Variants in PDZRN4 observed in about 807,000 individuals in gnomAD.
The protein encoded by PDZRN4 is PDZ domain-containing RING finger protein 4.
In PDZRN4, 70 loss-of-function variants were observed where a neutral mutation model predicts 99.0. The observed-to-expected ratio is 0.71, with a 90% CI of 0.58 to 0.86. PDZRN4 has a LOEUF of 0.86. Among genes scored for constraint, PDZRN4 ranks in the 40% least tolerant of loss-of-function variants. The pLI is 0.00. For synonymous variants in PDZRN4, 551 were observed against 501.6 expected, an observed-to-expected ratio of 1.10 and a Z score of -1.32; for missense variants, 1,474 against 1,331.2, an observed-to-expected ratio of 1.11 and a Z score of -1.67.
rs201008313 is a variant in PDZRN4 at position 41,196,746 on chromosome 12, AG to A, written c.843+2559del. 2.4e-4 allele frequency among the ~76,000 whole-genome samples: 36 copies of A among 152,184 alleles called. 1 individual carries two copies. In the East Asian group the frequency reaches 5.6e-3, roughly 24 times the overall value. On this transcript the variant is annotated intron_variant, in intron 3 of 9. Transcript: ENST00000402685. ...TATCAATCAACTTTAAGCAGTTTTT[AG>A]CTAATTGGAAATTGAGAAGAAATCT...
chr12:41,396,189 G>A (rs962272460), intron 3 of PDZRN4, among the ~76,000 whole-genome samples: 1 of 151,992 alleles, frequency 6.6e-6, no homozygotes, highest in Non-Finnish European at 1.5e-5. Flanking sequence ...CAGGTAAAGG[G>A]GCTGTGAACG....
intron 3 of PDZRN4, chr12:41,477,964 T>C: frequency 1.6e-6 from 2 of 1,242,810 alleles, no homozygotes; most frequent in South Asian, 2.6e-5. Flanking sequence ...ATTCTCTTGC[T>C]TATCAGTGAG....
intron 3 of PDZRN4, among the ~76,000 whole-genome samples, chr12:41,375,192 A>G (rs1952070275): frequency 6.6e-6 from 1 of 152,146 alleles, no homozygotes; most frequent in Non-Finnish European, 1.5e-5. Context: ...CCCTCAATTC[A>G]GAACCACCCA....
At chr12:41,422,553 G>T (rs1185481330) in intron 3 of PDZRN4, among the ~76,000 whole-genome samples, 1 of 152,128 alleles carries the variant, frequency 6.6e-6, no homozygotes, top group African/African-American at 2.4e-5. Flanking sequence ...ACATTGGAAG[G>T]TGAAGGGGAA....
chr12:41,551,377 T>C (rs1412252415), intron 5 of PDZRN4, among the ~76,000 whole-genome samples: 1 of 152,098 alleles, frequency 6.6e-6, no homozygotes, highest in Non-Finnish European at 1.5e-5. Flanking sequence ...GAAACCCTAA[T>C]ACAAATTGTA....
At chr12:41,199,814 T>A (rs1950802618) in intron 3 of PDZRN4, among the ~76,000 whole-genome samples, 2 of 152,072 alleles carry the variant, frequency 1.3e-5, no homozygotes, top group Non-Finnish European at 2.9e-5. Flanking sequence ...CCAAACAATG[T>A]GCACACATGG....
In PDZRN4 at chr12:41,572,489, G is replaced by A; in HGVS notation, c.1710G>A (p.Gln570=). ...ESLRNDESSE[Q]ENAAEDPNST... The stretch of plus-strand genomic sequence containing the variant: ...TGCGAAATGATGAGAGCTCAGAGCA[G>A]GAGAATGCAGCCGAGGACCCCAATA... Residue 570 remains glutamine (Q), a synonymous_variant, in exon 10 of 10, where the codon CAG becomes CAA. Transcript: ENST00000402685. The A allele has an allele frequency of 5.6e-6, 9 of 1,614,132 alleles. No homozygotes were observed. Among genetic ancestry groups the A allele is most frequent in the South Asian group, 3.3e-5 (3 of 91,082 alleles).
chr12:41,300,979 A>G (rs1353465716), intron 3 of PDZRN4, among the ~76,000 whole-genome samples: 1 of 152,016 alleles, frequency 6.6e-6, no homozygotes, highest in African/African-American at 2.4e-5. Context: ...GGTTGTTGTT[A>G]TTTTTAAAGT....
chr12:41,503,874 C>CA (rs1161260141), intron 3 of PDZRN4, among the ~76,000 whole-genome samples: 7 of 151,980 alleles, frequency 4.6e-5, no homozygotes, highest in Non-Finnish European at 7.4e-5. Flanking sequence ...AAAGTTGCCT[C>CA]AAAAAAATGG....
At chr12:41,309,412 G>A (rs74237769) in intron 3 of PDZRN4, among the ~76,000 whole-genome samples, 4,329 of 151,918 alleles carry the variant, frequency 0.028, 106 homozygotes, top group East Asian at 0.14. Flanking sequence ...AAGAGAAGGG[G>A]GCTGAACTTG....
chr12:41,415,713 C>A (rs1952439416), intron 3 of PDZRN4, among the ~76,000 whole-genome samples: 1 of 152,032 alleles, frequency 6.6e-6, no homozygotes, highest in African/African-American at 2.4e-5. Context: ...GAAATTGTGT[C>A]CAGAAGGCAT....
At chr12:41,454,685 A>G (rs1332193266) in intron 3 of PDZRN4, among the ~76,000 whole-genome samples, 1 of 152,206 alleles carries the variant, frequency 6.6e-6, no homozygotes, top group Non-Finnish European at 1.5e-5. Flanking sequence ...ATATCTGTGA[A>G]CAGCTGTCAA....
chr12:41,322,639 C>T (rs1182274746), intron 3 of PDZRN4, among the ~76,000 whole-genome samples: 1 of 151,418 alleles, frequency 6.6e-6, no homozygotes, highest in Non-Finnish European at 1.5e-5. Flanking sequence ...TACAGGTGCC[C>T]ACCACCACGC....
intron 3 of PDZRN4, among the ~76,000 whole-genome samples, chr12:41,206,007 T>C (rs935637194): frequency 6.6e-6 from 1 of 152,014 alleles, no homozygotes; most frequent in South Asian, 2.1e-4. Flanking sequence ...TCCACTCACA[T>C]TGCTGCATGT....
intron 5 of PDZRN4, among the ~76,000 whole-genome samples, chr12:41,535,993 A>G (rs1219735111): frequency 1.3e-5 from 2 of 152,122 alleles, no homozygotes; most frequent in Non-Finnish European, 2.9e-5. Context: ...TTTCTTGTTC[A>G]CTAAGAGTAT....
intron 3 of PDZRN4, 31 bp from the exon 4 acceptor site, chr12:41,506,425 T>C: frequency 6.4e-7 from 1 of 1,564,924 alleles, no homozygotes. Flanking sequence ...ATCTTTCCTC[T>C]GAGATGAACA....
intron 3 of PDZRN4, chr12:41,411,849 A>G (rs1459811749): frequency 6.6e-6 from 1 of 152,166 alleles, no homozygotes. Context: ...TTTTTCTTCC[A>G]GGTAGTTATA....
chr12:41,465,352 G>A (rs1952914805), intron 3 of PDZRN4, among the ~76,000 whole-genome samples: 1 of 152,132 alleles, frequency 6.6e-6, no homozygotes, highest in Non-Finnish European at 1.5e-5. Flanking sequence ...AACAACCACA[G>A]AGATTTCACT....
At chr12:41,344,453 T>C (rs1951838419) in intron 3 of PDZRN4, among the ~76,000 whole-genome samples, 1 of 152,050 alleles carries the variant, frequency 6.6e-6, no homozygotes, top group Admixed American at 6.6e-5. Context: ...AGAAAATCAT[T>C]AAATGTCAAA....
Sources: allele counts gnomAD v4.1 joint callset (sites outside exome capture counted in the v4.1 genomes callset), GRCh38; gene constraint gnomAD v4.1.1; transcripts MANE v1.5; gene names NCBI Gene and HGNC (gene_info 2026-07-23, HGNC 2026-07-21).